The following DACH1 variants were observed in gnomAD, a reference collection of about 807,000 sequenced individuals.
DACH1 encodes the protein dachshund homolog 1.
DACH1 carries 12 observed loss-of-function variants against 54.2 expected under a neutral mutation model. The observed-to-expected ratio is 0.22, with a 90% confidence interval of 0.14 to 0.36. The LOEUF (loss-of-function observed/expected upper bound fraction) is 0.36, where lower values mean the gene tolerates loss of function less well. DACH1 is among the 10% of genes least tolerant of loss of function. The pLI, the probability that DACH1 is intolerant of heterozygous loss-of-function variation, is 1.00. For synonymous variants in DACH1, 386 were observed against 366.2 expected (o/e 1.05, Z -0.62); for missense variants, 805 against 929.8 (o/e 0.87, Z 1.75).
chr13:71,461,694 A>G (rs1000269418), intron 10 of DACH1, among the ~76,000 whole-genome samples: 3 of 151,992 alleles, frequency 2.0e-5, no homozygotes, highest in Non-Finnish European at 2.9e-5. Context: ...CCAAATCACT[A>G]TCCTTTAACT....
At chr13:71,646,466 T>C (rs1292143685) in intron 2 of DACH1, among the ~76,000 whole-genome samples, 1 of 152,174 alleles carries the variant, frequency 6.6e-6, no homozygotes, top group Non-Finnish European at 1.5e-5. Flanking sequence ...GTGTTGATAA[T>C]TGCAGAGTCT....
intron 1 of DACH1, among the ~76,000 whole-genome samples, chr13:71,753,138 T>C (rs912551278): frequency 6.6e-6 from 1 of 152,162 alleles, no homozygotes. Context: ...GCAAATATTG[T>C]AGTGACTGTC....
At chr13:71,492,719 C>G (rs923402648) in intron 6 of DACH1, among the ~76,000 whole-genome samples, 7 of 151,142 alleles carry the variant, frequency 4.6e-5, no homozygotes, top group Admixed American at 3.3e-4. Flanking sequence ...GCTTCTCTCC[C>G]TCTCTTGTTC....
intron 1 of DACH1, among the ~76,000 whole-genome samples, chr13:71,754,389 TCTGTA>T (rs1423434984): frequency 6.6e-6 from 1 of 152,208 alleles, no homozygotes; most frequent in Non-Finnish European, 1.5e-5. Flanking sequence ...CAATCAAGTA[TCTGTA>T]CTATGGTATG....
At chr13:71,711,946 T>C (rs1230059140) in intron 1 of DACH1, among the ~76,000 whole-genome samples, 2 of 152,006 alleles carry the variant, frequency 1.3e-5, no homozygotes, top group Admixed American at 6.6e-5. Context: ...TCAAGGAAAA[T>C]AAATTATGTT....
chr13:71,477,183 C>T (rs1280784566), intron 8 of DACH1, among the ~76,000 whole-genome samples: 5 of 128,496 alleles, frequency 3.9e-5, no homozygotes, highest in East Asian at 2.4e-4. Flanking sequence ...TGCAGTGGCG[C>T]GATCTTGGCT....
chr13:71,509,409 G>A (rs1216522671), intron 6 of DACH1, among the ~76,000 whole-genome samples: 1 of 151,942 alleles, frequency 6.6e-6, no homozygotes, highest in Non-Finnish European at 1.5e-5. Flanking sequence ...GAAAAAATTA[G>A]GAATGAGACT....
At chr13:71,452,115 TG>T (rs112506345) in intron 10 of DACH1, among the ~76,000 whole-genome samples, 1,938 of 152,244 alleles carry the variant, frequency 0.013, 42 homozygotes, top group African/African-American at 0.044. Flanking sequence ...ATTGTTTTGT[TG>T]TTTTTTTGTA....
chr13:71,685,042 T>C (rs1259804272), intron 1 of DACH1, among the ~76,000 whole-genome samples: 1 of 152,180 alleles, frequency 6.6e-6, no homozygotes, highest in Non-Finnish European at 1.5e-5. Context: ...TTGAAATGTA[T>C]AGCCCTTTAA....
At chr13:71,489,202 T>C in intron 6 of DACH1, 54 bp from the exon 7 acceptor site, 3 of 1,569,216 alleles carry the variant, frequency 1.9e-6, no homozygotes, top group Non-Finnish European at 2.6e-6. Context: ...CTGTTTTTAT[T>C]AGACCTCAGT....
At chr13:71,605,792 A>G (rs1874837311) in intron 3 of DACH1, among the ~76,000 whole-genome samples, 1 of 152,004 alleles carries the variant, frequency 6.6e-6, no homozygotes, top group Non-Finnish European at 1.5e-5. Flanking sequence ...ATATGAATTT[A>G]CAACCACAGA....
intron 3 of DACH1, among the ~76,000 whole-genome samples, chr13:71,622,932 C>T (rs1876354062): frequency 6.6e-6 from 1 of 151,632 alleles, no homozygotes; most frequent in Non-Finnish European, 1.5e-5. Flanking sequence ...TGTTCTCCAA[C>T]TGTCCATATA....
In DACH1 at chr13:71,866,130, C is replaced by T. The variant is rs768718585; in HGVS notation, c.640G>A (p.Ala214Thr). Residue 214 changes from alanine (A) to threonine (T), a missense_variant, in exon 1 of 11, where the codon GCT becomes ACT. Ala to Thr is a moderately conservative substitution (Grantham distance 58). This residue lies in a region of DACH1 where 28 missense variants were observed against 75.7 expected (regional missense o/e 0.37). Coordinates refer to ENST00000613252, the MANE Select transcript of DACH1 (RefSeq NM_080759.6). Reference sequence around the variant, plus strand: ...AAGTGCTTCAGGAACAGGTCGAAAGCCTGGGGCAGGCAGATCAGCTCGCAG... The same window carrying T: ...AAGTGCTTCAGGAACAGGTCGAAAGTCTGGGGCAGGCAGATCAGCTCGCAG... Reference protein sequence around the residue: ...EGCELICLPQAFDLFLKHLVG... With the variant: ...EGCELICLPQTFDLFLKHLVG... 6.2e-7 allele frequency: 1 copy of T among 1,613,468 alleles called. No individual in the cohort carries two copies. Among genetic ancestry groups the T allele is most frequent in the Non-Finnish European group, 8.5e-7 (1 of 1,179,764 alleles).
chr13:71,495,062 T>C (rs1879289459), intron 6 of DACH1, among the ~76,000 whole-genome samples: 1 of 152,114 alleles, frequency 6.6e-6, no homozygotes, highest in Non-Finnish European at 1.5e-5. Flanking sequence ...ATATATTCTC[T>C]TTCAAGTTAA....
At chr13:71,860,774 G>A (rs936650450) in intron 1 of DACH1, among the ~76,000 whole-genome samples, 22 of 151,926 alleles carry the variant, frequency 1.4e-4, no homozygotes, top group Non-Finnish European at 2.9e-4. Flanking sequence ...ATTGTATGAA[G>A]CAATTTAGTA....
chr13:71,828,854 C>T (rs1181582505), intron 1 of DACH1, among the ~76,000 whole-genome samples: 1 of 151,922 alleles, frequency 6.6e-6, no homozygotes, highest in Non-Finnish European at 1.5e-5. Context: ...CTTATCCAGA[C>T]ATCACTACGG....
At chr13:71,501,664 A>G (rs1398418957) in intron 6 of DACH1, among the ~76,000 whole-genome samples, 2 of 152,162 alleles carry the variant, frequency 1.3e-5, no homozygotes, top group African/African-American at 4.8e-5. Flanking sequence ...GAAATTTTCA[A>G]TAATAAAAAG....
intron 7 of DACH1, among the ~76,000 whole-genome samples, chr13:71,487,070 C>T (rs1394851466): frequency 6.6e-6 from 1 of 151,912 alleles, no homozygotes; most frequent in Non-Finnish European, 1.5e-5. Flanking sequence ...AGGCTGGTCT[C>T]GAACTCCCGA....
chr13:71,672,665 TAAAC>T (rs541833483), intron 2 of DACH1, among the ~76,000 whole-genome samples: 209 of 152,204 alleles, frequency 1.4e-3, no homozygotes, highest in Non-Finnish European at 1.5e-3. Flanking sequence ...TGCACTAAAA[TAAAC>T]AATATTTGTA....
Sources: gnomAD v4.1 joint callset for allele counts (sites outside exome capture counted in the v4.1 genomes callset) on GRCh38, gnomAD v4.1.1 for gene constraint, gnomAD v4.1.1 regional missense constraint, MANE v1.5 for transcripts, NCBI Gene and HGNC (gene_info 2026-07-23, HGNC 2026-07-21) for gene names.